The following NAALADL2 variants were observed in gnomAD, a reference collection of about 807,000 sequenced individuals.
NAALADL2 encodes the protein N-acetylated alpha-linked acidic dipeptidase like 2.
In NAALADL2, 76 loss-of-function variants were observed where a neutral mutation model predicts 87.2. The observed-to-expected ratio is 0.87, with a 90% CI of 0.72 to 1.05. NAALADL2 has a LOEUF of 1.05. Ranked by LOEUF, NAALADL2 falls within the 50% of genes least tolerant of loss-of-function variation. The pLI, the probability that NAALADL2 is intolerant of heterozygous loss-of-function variation, is 0.00. For synonymous variants in NAALADL2, 354 were observed against 331.0 expected, an observed-to-expected ratio of 1.07 and a Z score of -0.75; for missense variants, 1,089 against 945.8, an observed-to-expected ratio of 1.15 and a Z score of -1.99.
intron 1 of NAALADL2, among the ~76,000 whole-genome samples, chr3:174,887,345 G>C (rs1730287105): frequency 6.6e-6 from 1 of 152,008 alleles, no homozygotes; most frequent in Admixed American, 6.6e-5. Flanking sequence ...GATATATAAA[G>C]AGATTATATG....
intron 1 of NAALADL2, among the ~76,000 whole-genome samples, chr3:175,043,194 A>G (rs9290526): frequency 0.2 from 30,461 of 152,010 alleles, 3,282 homozygotes; most frequent in East Asian, 0.38. Context: ...TCCTTTGCCC[A>G]TTTTTAAAAT....
intron 11 of NAALADL2, among the ~76,000 whole-genome samples, chr3:175,658,917 T>C (rs1057110514): frequency 2.6e-5 from 4 of 151,686 alleles, no homozygotes; most frequent in Admixed American, 6.6e-5. Context: ...AGATACTAGG[T>C]ACACACACAC....
intron 1 of NAALADL2, among the ~76,000 whole-genome samples, chr3:174,964,961 T>G (rs1266815720): frequency 6.6e-6 from 1 of 151,984 alleles, no homozygotes; most frequent in Non-Finnish European, 1.5e-5. Context: ...GAGGTGGTTG[T>G]ATTACTTATG....
chr3:174,787,297 C>T (rs1450292619), intron 3 of NAALADL2, among the ~76,000 whole-genome samples: 1 of 151,494 alleles, frequency 6.6e-6, no homozygotes, highest in Non-Finnish European at 1.5e-5. Flanking sequence ...ATGCCCAAGA[C>T]TGCATAAATG....
At chr3:175,505,222 G>C (rs1246598604) in intron 9 of NAALADL2, among the ~76,000 whole-genome samples, 1 of 150,812 alleles carries the variant, frequency 6.6e-6, no homozygotes, top group Non-Finnish European at 1.5e-5. Context: ...CTATGATCCT[G>C]CCACTGCATC....
intron 2 of NAALADL2, among the ~76,000 whole-genome samples, chr3:174,568,320 G>T (rs1378529003): frequency 6.6e-6 from 1 of 151,748 alleles, no homozygotes; most frequent in Admixed American, 6.6e-5. Flanking sequence ...AGAAGTAAAA[G>T]AAAGTTTTGT....
intron 1 of NAALADL2, 79 bp downstream of exon 1, chr3:174,859,529 T>G: frequency 8.5e-7 from 1 of 1,174,816 alleles, no homozygotes; most frequent in Non-Finnish European, 1.3e-6. Flanking sequence ...GTCTGTGTGT[T>G]TCTGTGTATG....
chr3:175,509,918 G>A (rs752302471), intron 9 of NAALADL2, among the ~76,000 whole-genome samples: 30 of 152,006 alleles, frequency 2.0e-4, no homozygotes, highest in Non-Finnish European at 3.5e-4. Context: ...TGTTACATAT[G>A]TAGACATGTG....
intron 5 of NAALADL2, among the ~76,000 whole-genome samples, chr3:175,325,395 C>A (rs567454433): frequency 6.6e-6 from 1 of 152,192 alleles, no homozygotes; most frequent in Non-Finnish European, 1.5e-5. Context: ...TCTCACAGAT[C>A]TGTACTTTGT....
chr3:174,953,487 T>C (rs1157653029), intron 1 of NAALADL2, among the ~76,000 whole-genome samples: 2 of 151,758 alleles, frequency 1.3e-5, no homozygotes, highest in African/African-American at 4.8e-5. Flanking sequence ...GAGGTGGATA[T>C]TTAAGATGTG....
chr3:175,549,215 C>T (rs985082582), intron 9 of NAALADL2, among the ~76,000 whole-genome samples: 11 of 151,874 alleles, frequency 7.2e-5, no homozygotes, highest in Non-Finnish European at 1.6e-4. Context: ...TTTCATTACT[C>T]TGTAAATAAT....
At chr3:175,450,425 A>C (rs1721392297) in intron 6 of NAALADL2, among the ~76,000 whole-genome samples, 1 of 152,248 alleles carries the variant, frequency 6.6e-6, no homozygotes, top group Non-Finnish European at 1.5e-5. Flanking sequence ...GGAAATGGGC[A>C]CATTAAGAAT....
At chr3:174,889,310 T>C (rs1730583065) in intron 1 of NAALADL2, among the ~76,000 whole-genome samples, 1 of 152,220 alleles carries the variant, frequency 6.6e-6, no homozygotes. Flanking sequence ...TAAAATTGTT[T>C]ATAATCCTTG....
At chr3:174,508,786 G>T (rs565485437) in intron 1 of NAALADL2, among the ~76,000 whole-genome samples, 5 of 152,138 alleles carry the variant, frequency 3.3e-5, no homozygotes, top group African/African-American at 1.2e-4. Flanking sequence ...AGTGGCTCAC[G>T]CCTGTAATCC....
chr3:174,752,910 A>C (rs1423334222), intron 3 of NAALADL2, among the ~76,000 whole-genome samples: 1 of 152,224 alleles, frequency 6.6e-6, no homozygotes, highest in Non-Finnish European at 1.5e-5. Context: ...CTAATGGTAG[A>C]TTAAACTGAG....
chr3:175,465,562 C>A (rs929534047), intron 7 of NAALADL2, among the ~76,000 whole-genome samples: 1 of 149,842 alleles, frequency 6.7e-6, no homozygotes, highest in African/African-American at 2.5e-5. Context: ...CATCCTCCGC[C>A]TCTGAGGTTC....
intron 11 of NAALADL2, chr3:175,655,699 TA>T (rs1423696788): frequency 7.1e-5 from 6 of 84,512 alleles, no homozygotes; most frequent in African/African-American, 4.2e-4. Context: ...AAAAAATAAA[TA>T]AAATAAAATA....
intron 11 of NAALADL2, among the ~76,000 whole-genome samples, chr3:175,640,514 C>G (rs76639179): frequency 0.045 from 6,841 of 152,132 alleles, 185 homozygotes; most frequent in South Asian, 0.11. Context: ...AACTGAGTTA[C>G]TTAGTTTCTT....
intron 1 of NAALADL2, among the ~76,000 whole-genome samples, chr3:174,504,421 A>G (rs1354343208): frequency 6.6e-6 from 1 of 152,128 alleles, no homozygotes; most frequent in Non-Finnish European, 1.5e-5. Flanking sequence ...CAAACCAGAC[A>G]TGGCTCTACA....
Sources: allele counts gnomAD v4.1 joint callset (sites outside exome capture counted in the v4.1 genomes callset), GRCh38; gene constraint gnomAD v4.1.1; transcripts MANE v1.5; gene names NCBI Gene and HGNC (gene_info 2026-07-23, HGNC 2026-07-21).